The following KALRN variants were observed in gnomAD, a reference collection of about 807,000 sequenced individuals.
KALRN encodes kalirin RhoGEF kinase.
A neutral mutation model predicts 353.7 loss-of-function variants in KALRN; 70 were observed. The ratio of observed to expected loss-of-function variants is 0.20; its 90% CI spans 0.16 to 0.24. The LOEUF is 0.24. KALRN is among the 10% of genes least tolerant of loss of function. The pLI, the probability that KALRN is intolerant of heterozygous loss-of-function variation, is 1.00. For synonymous variants in KALRN, 1,391 were observed against 1,434.8 expected, an observed-to-expected ratio of 0.97 and a Z score of 0.69; for missense variants, 2,791 against 3,756.7, an observed-to-expected ratio of 0.74 and a Z score of 6.72.
In KALRN at chr3:124,334,568, T is replaced by C. The variant is rs1192620876; in HGVS notation, c.1647+73T>C. 3.8e-6 allele frequency: 4 copies of C among 1,061,752 alleles called. 1 individual carries two copies. The African/African-American group carries it at 6.3e-5, about 17-fold the overall frequency. 65.8% of individuals were successfully genotyped at this position (1,061,752 alleles called of 1,614,324 possible). A position where few individuals can be genotyped will look rare whatever the true frequency, so the allele number is the denominator to read the frequency against. ...ACCGAGCTCAAGTCCCTGACCTAGG[T>C]GATCAGGCTTAGGAGAGCCCAGATT... On this transcript the variant is annotated intron_variant, in intron 9 of 59. Coordinates refer to ENST00000682506, the MANE Select transcript of KALRN (RefSeq NM_001388419.1). This position sits in a 1 kb window ranked among gnomAD's most constrained non-coding sequence, Gnocchi z 4.2.
Position 124,438,973 on chromosome 3 carries a change from C to T in KALRN, c.3134C>T (p.Ala1045Val). The T allele has an allele frequency of 6.2e-7, 1 of 1,614,120 alleles. No individual in the cohort carries two copies. The highest frequency in any genetic ancestry group is 8.5e-7 in the Non-Finnish European group (1 of 1,180,012). ...GGACGAGATAAGCTGGGGCCAGCAG[C>T]AGAGATCGACCATGTCATTCCCCTC... ...CGGRDKLGPAAEIDHVIPLIS... is the reference protein window; with the variant it reads ...CGGRDKLGPAVEIDHVIPLIS... The change falls in exon 18 of 60, where the codon GCA becomes GTA. Residue 1045 changes from alanine to valine, a missense_variant. Coordinates refer to ENST00000682506, the MANE Select transcript of KALRN (RefSeq NM_001388419.1).
chr3:124,538,239 A>AGTGTTTGTGTGTGTGT (rs901026208), intron 33 of KALRN, among the ~76,000 whole-genome samples: 1 of 146,034 alleles, frequency 6.8e-6, no homozygotes, highest in South Asian at 2.3e-4. Flanking sequence ...AGAGCCAAAG[A>AGTGTTTGTGTGTGTGT]GTGTTTGTGT....
chr3:124,437,972 G>T (rs1161906095), intron 17 of KALRN, among the ~76,000 whole-genome samples: 2 of 152,000 alleles, frequency 1.3e-5, no homozygotes, highest in East Asian at 1.9e-4. Flanking sequence ...GTTGTTATAT[G>T]CTATTGTTTT....
intron 28 of KALRN, among the ~76,000 whole-genome samples, chr3:124,483,520 G>C (rs821883): frequency 0.98 from 148,859 of 152,238 alleles, 72,864 homozygotes; most frequent in East Asian, 1. Context: ...TCACTGAACT[G>C]CAGCCTGGGT....
At chr3:124,124,199 C>G (rs1480647121) in intron 1 of KALRN, among the ~76,000 whole-genome samples, 1 of 152,116 alleles carries the variant, frequency 6.6e-6, no homozygotes, top group Non-Finnish European at 1.5e-5. Context: ...GTCAAAATAT[C>G]AACATTAATG....
chr3:124,171,283 C>A (rs1007353363), intron 1 of KALRN, among the ~76,000 whole-genome samples: 8 of 152,186 alleles, frequency 5.3e-5, no homozygotes, highest in Non-Finnish European at 1.0e-4. Flanking sequence ...GCTGGTCTTA[C>A]CTGGAGTCAC....
At chr3:124,335,569 G>T (rs544906597) in intron 9 of KALRN, among the ~76,000 whole-genome samples, 35 of 152,128 alleles carry the variant, frequency 2.3e-4, no homozygotes, top group South Asian at 2.1e-3. Flanking sequence ...ATACTAGTGT[G>T]GGGGGAGCTG....
intron 3 of KALRN, among the ~76,000 whole-genome samples, chr3:124,244,570 G>T (rs2080893475): frequency 6.6e-6 from 1 of 152,156 alleles, no homozygotes; most frequent in African/African-American, 2.4e-5. Context: ...GGACTGTATT[G>T]TTTCTTCAGT....
At chr3:124,234,098 C>A (rs1334920855) in intron 2 of KALRN, among the ~76,000 whole-genome samples, 1 of 152,186 alleles carries the variant, frequency 6.6e-6, no homozygotes, top group Non-Finnish European at 1.5e-5. Flanking sequence ...TTTTGGTATA[C>A]TCCTTCCAGT....
intron 3 of KALRN, among the ~76,000 whole-genome samples, chr3:124,253,607 G>A (rs1436085595): frequency 6.6e-6 from 1 of 152,170 alleles, no homozygotes; most frequent in Non-Finnish European, 1.5e-5. Context: ...CTCTTAGCTT[G>A]CCTTGTCCTT....
rs1192024161 is a variant in KALRN at position 124,562,985 on chromosome 3, C to T, written c.5078C>T (p.Thr1693Ile). The change falls in exon 34 of 60, where the codon ACC becomes ATC. Residue 1693 changes from threonine (T) to isoleucine (I), a missense_variant. This residue lies in a region of KALRN where 239 missense variants were observed against 351.3 expected (regional missense o/e 0.68). Coordinates refer to ENST00000682506, the MANE Select transcript of KALRN (RefSeq NM_001388419.1). ...CCTGGTTGGTGTCTGGTCCGTACCA[C>T]CGAACGGAGCCCGCCCTTGGAGGGT... ...ERPGWCLVRT[T>I]ERSPPLEGLV... The T allele has an allele frequency of 1.5e-6, 2 of 1,367,948 alleles. No homozygotes were observed. The highest frequency in any genetic ancestry group is 9.8e-7 in the Non-Finnish European group (1 of 1,022,022). 84.7% of individuals were successfully genotyped at this position (1,367,948 alleles called of 1,614,324 possible).
rs75340061 is a variant in KALRN, at chr3:124,066,584, C to A, written c.73+32771C>A. Reference sequence around the variant, plus strand: ...AGAGCAACCTCAAAAGGAGGTGTGACCTGGGTAAGGGACATAGAAAGCTCA... The same window carrying A: ...AGAGCAACCTCAAAAGGAGGTGTGAACTGGGTAAGGGACATAGAAAGCTCA... On this transcript the variant is annotated intron_variant, in intron 1 of 59. Coordinates refer to ENST00000682506, the MANE Select transcript of KALRN (RefSeq NM_001388419.1). 2.7e-4 allele frequency among the ~76,000 whole-genome samples: 41 copies of A among 152,260 alleles called. No homozygotes were observed. The East Asian group carries it at 7.5e-3, about 28-fold the overall frequency.
In KALRN at chr3:124,724,428, A is replaced by G. The variant is rs1030247109; in HGVS notation, c.*4958A>G. On this transcript the variant is annotated 3_prime_UTR_variant, in exon 60 of 60. Transcript: ENST00000682506. The stretch of plus-strand genomic sequence containing the variant: ...AGACAAATGCAATATGTGACCTTTC[A>G]GTGAATTTATTTATAAAACTGCACC... 3.3e-5 allele frequency: 5 copies of G among 152,144 alleles called. No homozygotes were observed. The highest frequency in any genetic ancestry group is 7.4e-5 in the Non-Finnish European group (5 of 68,022). 9.4% of individuals were successfully genotyped at this position (152,144 alleles called of 1,614,324 possible).
chr3:124,372,119 T>C (rs2085927801), intron 10 of KALRN, among the ~76,000 whole-genome samples: 1 of 152,210 alleles, frequency 6.6e-6, no homozygotes, highest in Non-Finnish European at 1.5e-5. Context: ...TGCAAATGAC[T>C]GGATCTCATT....
intron 5 of KALRN, among the ~76,000 whole-genome samples, chr3:124,275,558 TG>T (rs1387043226): frequency 3.3e-5 from 5 of 151,934 alleles, no homozygotes; most frequent in Non-Finnish European, 7.4e-5. Flanking sequence ...GAGAATTGAG[TG>T]GGGTTATGTA....
intron 32 of KALRN, among the ~76,000 whole-genome samples, chr3:124,495,937 G>A (rs1168662034): frequency 8.2e-5 from 9 of 110,378 alleles, no homozygotes; most frequent in African/African-American, 1.3e-4. Context: ...TTACAGACCC[G>A]TTCCCAAGTG....
At chr3:124,693,765 T>G in intron 51 of KALRN, 39 bp from the exon 52 acceptor site, 1 of 1,410,768 alleles carries the variant, frequency 7.1e-7, no homozygotes, top group Non-Finnish European at 9.9e-7. Flanking sequence ...TTTAGTAGTT[T>G]AGGATTCAAG....
At chr3:124,470,301 G>A (rs995389182) in intron 25 of KALRN, among the ~76,000 whole-genome samples, 1 of 152,136 alleles carries the variant, frequency 6.6e-6, no homozygotes, top group Non-Finnish European at 1.5e-5. Flanking sequence ...TTCATCATTT[G>A]TGAAGAGAGT....
chr3:124,094,621 C>T (rs556434787), intron 1 of KALRN: 14 of 605,544 alleles, frequency 2.3e-5, no homozygotes, highest in Admixed American at 1.8e-4. Context: ...CTGCACACGG[C>T]GTTGTTCTGC....
Sources: gnomAD v4.1 joint callset for allele counts (sites outside exome capture counted in the v4.1 genomes callset) on GRCh38, gnomAD v4.1.1 for gene constraint, gnomAD v4.1.1 regional missense constraint, Gnocchi (gnomAD v3.1) non-coding constraint, MANE v1.5 for transcripts, NCBI Gene and HGNC (gene_info 2026-07-23, HGNC 2026-07-21) for gene names.